The following PSG5 variants were observed in gnomAD, a reference collection of about 807,000 sequenced individuals.
PSG5 encodes the protein pregnancy specific beta-1-glycoprotein 5, also known as pregnancy-specific beta-1-glycoprotein 5.
Under a neutral mutation model 37.7 loss-of-function variants are expected in PSG5, and 53 were observed. That is an observed-to-expected ratio of 1.41 (90% CI 1.13 to 1.77). The LOEUF (loss-of-function observed/expected upper bound fraction) is 1.77, where lower values mean the gene tolerates loss of function less well. PSG5 is among the 40% of genes most tolerant of loss of function. PSG5 has a pLI of 0.00. For missense variants in PSG5, 547 were observed against 405.2 expected, an observed-to-expected ratio of 1.35 and a Z score of -3.00; for synonymous variants, 221 against 155.4, an observed-to-expected ratio of 1.42 and a Z score of -3.14.
intron 1 of PSG5, among the ~76,000 whole-genome samples, chr19:43,185,491 C>T (rs1168631298): frequency 1.1e-4 from 17 of 149,968 alleles, no homozygotes; most frequent in Non-Finnish European, 3.0e-5. Flanking sequence ...AGACTTCTTT[C>T]CTGACACGTC....
At chr19:43,171,993 A>AG (rs1408521064) in intron 4 of PSG5, among the ~76,000 whole-genome samples, 4 of 149,120 alleles carry the variant, frequency 2.7e-5, no homozygotes, top group Non-Finnish European at 3.0e-5. Context: ...CAAAAAAAAA[A>AG]AAAAAGAAAA....
intron 5 of PSG5, among the ~76,000 whole-genome samples, chr19:43,169,364 C>T (rs1035734741): frequency 6.6e-6 from 1 of 151,540 alleles, no homozygotes; most frequent in Non-Finnish European, 1.5e-5. Flanking sequence ...TCCATGAGGT[C>T]AGATGTTGCC....
chr19:43,169,836 T>C (rs1968865824), intron 5 of PSG5, among the ~76,000 whole-genome samples: 1 of 151,548 alleles, frequency 6.6e-6, no homozygotes, highest in Non-Finnish European at 1.5e-5. Context: ...GAGAAACAAA[T>C]GAGCAGAGGC....
chr19:43,170,113 A>C lies in PSG5; in HGVS notation c.990T>G (p.Pro330=). 6.3e-7 allele frequency: 1 copy of C among 1,589,578 alleles called. No homozygotes were observed. Among genetic ancestry groups the C allele is most frequent in the South Asian group, 1.1e-5 (1 of 90,822 alleles). ...ACGGCTGCTATATTGGATTAAGGAGAGGAAGACGTCCTATTCCTGAAGGAG... is the reference window on the plus strand; with the variant it reads ...ACGGCTGCTATATTGGATTAAGGAGCGGAAGACGTCCTATTCCTGAAGGAG... ...VSAPSGIGRL[P]LLNPI is the part of the protein sequence containing the mutation. The change falls in exon 5 of 6, where the codon CCT becomes CCG. Residue 330 remains proline, a synonymous_variant. Transcript: ENST00000342951.
At chr19:43,177,908 G>A (rs914286893) in intron 2 of PSG5, among the ~76,000 whole-genome samples, 2 of 146,012 alleles carry the variant, frequency 1.4e-5, no homozygotes, top group Non-Finnish European at 3.0e-5. Context: ...GCAATGTTTT[G>A]TAGTTTTCAG....
intron 2 of PSG5, among the ~76,000 whole-genome samples, chr19:43,184,424 G>A (rs1484788394): frequency 2.6e-5 from 4 of 151,612 alleles, no homozygotes; most frequent in African/African-American, 7.3e-5. Flanking sequence ...GCTTCTCTGA[G>A]GGTCTCAGGG....
In PSG5 at chr19:43,175,217, G is replaced by T; in HGVS notation, c.962C>A (p.Ser321Tyr). 6.2e-7 allele frequency: 1 copy of T among 1,612,660 alleles called. No individual in the cohort carries two copies. The highest frequency in any genetic ancestry group is 8.5e-7 in the Non-Finnish European group (1 of 1,179,168). Residue 321 changes from serine to tyrosine, a missense_variant and splice_region_variant, in exon 4 of 6, where the codon TCT becomes TAT. Transcript: ENST00000342951. ...CAAGGATGCTGGGATCCACTTACCA[G>T]AGACTTCGACTGTCATGGATTTGGA... ...ESSKSMTVEVSAPSGIGRLPL... is the reference protein window; with the variant it reads ...ESSKSMTVEVYAPSGIGRLPL...
intron 4 of PSG5, among the ~76,000 whole-genome samples, chr19:43,172,445 ATTCT>A (rs1300497791): frequency 6.6e-6 from 1 of 151,632 alleles, no homozygotes; most frequent in Non-Finnish European, 1.5e-5. Context: ...AAGGAGTAAA[ATTCT>A]TTCTGTTTAC....
intron 4 of PSG5, among the ~76,000 whole-genome samples, chr19:43,173,610 C>T (rs1398528773): frequency 6.6e-6 from 1 of 151,624 alleles, no homozygotes; most frequent in Admixed American, 6.6e-5. Flanking sequence ...AGTTCCTCAG[C>T]ATCACGAATA....
intron 4 of PSG5, among the ~76,000 whole-genome samples, chr19:43,171,983 CAAAA>C (rs60198220): frequency 9.5e-6 from 1 of 105,140 alleles, no homozygotes; most frequent in South Asian, 3.1e-4. Flanking sequence ...TCCCTCTCTT[CAAAA>C]AAAAAAAAAA....
rs10420185 is a variant in PSG5 at position 43,183,448 on chromosome 19, G to A, written c.430+1334C>T. 2,563 of 529,396 alleles carry A rather than the reference G, an allele frequency of 4.8e-3. 128 individuals carry two copies. Among genetic ancestry groups the A allele is most frequent in the African/African-American group, 0.044 (2,271 of 51,496 alleles). 32.8% of individuals were successfully genotyped at this position (529,396 alleles called of 1,614,324 possible). A position where few individuals can be genotyped will look rare whatever the true frequency, so the allele number is the denominator to read the frequency against. On this transcript the variant is annotated intron_variant, in intron 2 of 5. Coordinates refer to ENST00000342951, the MANE Select transcript of PSG5 (RefSeq NM_002781.4). The stretch of plus-strand genomic sequence containing the variant: ...GAGAGCTCCTGAGTGTGTGTCTCTC[G>A]CTGGGCCTGTGCTGGAGCAGGGTCT...
chr19:43,178,379 T>C (rs1969056054), intron 2 of PSG5, among the ~76,000 whole-genome samples: 2 of 151,782 alleles, frequency 1.3e-5, no homozygotes, highest in South Asian at 4.1e-4. Context: ...CCAAGAATGC[T>C]CTGCCAGTGG....
In PSG5 at chr19:43,184,850, G is replaced by A. The variant is rs1358712931; in HGVS notation, c.362C>T (p.Thr121Ile). ...ATCACCTCGCTTTATGATGTGTAAG[G>A]TGTAGGATCCTGCGTCTTCCCGGGT... ...NVTREDAGSY[T>I]LHIIKRGDRT... The change falls in exon 2 of 6, where the codon ACC (threonine) becomes ATC (isoleucine). Residue 121 changes from threonine (T) to isoleucine (I), a missense_variant. Transcript: ENST00000342951. 1.9e-6 allele frequency: 3 copies of A among 1,612,522 alleles called. No individual in the cohort carries two copies. Among genetic ancestry groups the A allele is most frequent in the South Asian group, 2.2e-5 (2 of 91,026 alleles).
At position 43,184,783 on chromosome 19, in the gene PSG5, G is replaced by T. The variant is rs138595944; in HGVS notation, c.429C>A (p.Tyr143Ter). ...GVTGYFTFNL[Y>*]LKLPKPYITI... ...CAGGGATCATGTGGAATCACTCACG[G>T]TATAAGTTGAAGGTGAAATATCCAG... Residue 143 changes from tyrosine to a stop codon, truncating the protein, a stop_gained and splice_region_variant, in exon 2 of 6, where the codon TAC becomes TAA. Transcript: ENST00000342951. LOFTEE classifies it high-confidence loss of function. The T allele has an allele frequency of 1.0e-4, 163 of 1,612,180 alleles. 3 individuals carry two copies. In the African/African-American group the frequency reaches 1.9e-3, roughly 19 times the overall value.
At chr19:43,181,892 T>C (rs943168897) in intron 2 of PSG5, among the ~76,000 whole-genome samples, 11 of 151,856 alleles carry the variant, frequency 7.2e-5, no homozygotes, top group African/African-American at 2.7e-4. Context: ...CAGGAGAATG[T>C]GAGCTCCATA....
chr19:43,171,852 G>A (rs1369503117), intron 4 of PSG5, among the ~76,000 whole-genome samples: 2 of 151,008 alleles, frequency 1.3e-5, no homozygotes, highest in Admixed American at 6.6e-5. Flanking sequence ...TGAACCTGTA[G>A]TCATAGCATC....
Position 43,176,153 on chromosome 19 carries a change from G to A in PSG5, c.431-5C>T, listed in dbSNP as rs1969007120. 1 of 1,610,874 alleles carries A rather than the reference G, an allele frequency of 6.2e-7. No homozygotes were observed. Among genetic ancestry groups the A allele is most frequent in the African/African-American group, 1.3e-5 (1 of 74,562 alleles). On this transcript the variant is annotated splice_polypyrimidine_tract_variant and splice_region_variant and intron_variant, in intron 2 of 5. Transcript: ENST00000342951. Reference sequence around the variant, plus strand: ...TGTAGGGCTTGGGCAGCTTCACTGTGTGGATAACAGAGAGAAGATTGTCCT... The same window carrying A: ...TGTAGGGCTTGGGCAGCTTCACTGTATGGATAACAGAGAGAAGATTGTCCT...
intron 2 of PSG5, among the ~76,000 whole-genome samples, chr19:43,181,416 G>A (rs1200681306): frequency 1.3e-5 from 2 of 151,544 alleles, no homozygotes; most frequent in Admixed American, 6.6e-5. Flanking sequence ...CCCCAGCTGT[G>A]TGCAGTCTAC....
chr19:43,181,131 AAC>A (rs1969119530), intron 2 of PSG5, among the ~76,000 whole-genome samples: 1 of 151,598 alleles, frequency 6.6e-6, no homozygotes, highest in Non-Finnish European at 1.5e-5. Context: ...ATCATGAGGA[AAC>A]AGTTTTATGT....
Sources: allele counts gnomAD v4.1 joint callset (sites outside exome capture counted in the v4.1 genomes callset), GRCh38; gene constraint gnomAD v4.1.1; transcripts MANE v1.5; gene names NCBI Gene and HGNC (gene_info 2026-07-23, HGNC 2026-07-21).